Variants in CEP128 observed in about 807,000 individuals in gnomAD.
CEP128 encodes centrosomal protein 128.
In CEP128, 132 loss-of-function variants were observed where a neutral mutation model predicts 156.7. The observed-to-expected ratio is 0.84, with a 90% confidence interval of 0.73 to 0.97. The LOEUF (loss-of-function observed/expected upper bound fraction) is 0.97. CEP128 is among the 50% of genes least tolerant of loss of function. The probability of loss-of-function intolerance (pLI) is 0.00; values close to 1 mark genes in which losing one functional copy is unlikely to be tolerated. For missense variants in CEP128, 1,252 were observed against 1,281.9 expected, an observed-to-expected ratio of 0.98 and a Z score of 0.36; for synonymous variants, 469 against 448.9, an observed-to-expected ratio of 1.04 and a Z score of -0.57.
intron 7 of CEP128, 36 bp downstream of exon 7, chr14:80,899,902 T>C: frequency 1.4e-6 from 2 of 1,379,404 alleles, no homozygotes. Context: ...CTCCTCATAA[T>C]TTATCCCTCC....
chr14:80,834,290 G>A (rs1885961860), intron 12 of CEP128, among the ~76,000 whole-genome samples: 1 of 152,102 alleles, frequency 6.6e-6, no homozygotes. Flanking sequence ...AGAAGTCACA[G>A]GAAGAGTTTC....
At chr14:80,542,227 C>A (rs1252164279) in intron 21 of CEP128, among the ~76,000 whole-genome samples, 1 of 152,124 alleles carries the variant, frequency 6.6e-6, no homozygotes, top group African/African-American at 2.4e-5. Context: ...ACTGCAAATT[C>A]CTTAAAGGCA....
At chr14:80,950,803 C>G (rs1044847882) in intron 2 of CEP128, among the ~76,000 whole-genome samples, 2 of 149,468 alleles carry the variant, frequency 1.3e-5, no homozygotes, top group African/African-American at 4.9e-5. Context: ...CCAAGAATCT[C>G]AAAATACCCC....
At chr14:80,736,082 T>C (rs1898513591) in intron 19 of CEP128, among the ~76,000 whole-genome samples, 1 of 152,116 alleles carries the variant, frequency 6.6e-6, no homozygotes, top group Non-Finnish European at 1.5e-5. Flanking sequence ...AGGGAGGGAA[T>C]AGGCAGGCAT....
At chr14:80,502,571 G>A (rs145998800) in intron 24 of CEP128, among the ~76,000 whole-genome samples, 51 of 151,678 alleles carry the variant, frequency 3.4e-4, no homozygotes, top group African/African-American at 1.2e-3. Context: ...CCACCTTTCT[G>A]GTTTTCTTTA....
intron 19 of CEP128, among the ~76,000 whole-genome samples, chr14:80,647,613 A>G (rs1280648575): frequency 1.3e-5 from 2 of 151,680 alleles, no homozygotes; most frequent in African/African-American, 4.8e-5. Flanking sequence ...ATGGTCTCCA[A>G]CAGGGGAGAT....
chr14:80,916,317 G>T, intron 3 of CEP128, 84 bp downstream of exon 3: 1 of 1,095,840 alleles, frequency 9.1e-7, no homozygotes, highest in Non-Finnish European at 1.3e-6. Context: ...TGTTACAGCA[G>T]CAAGAAAACT....
At chr14:80,632,168 T>C (rs1207088091) in intron 19 of CEP128, among the ~76,000 whole-genome samples, 1 of 152,074 alleles carries the variant, frequency 6.6e-6, no homozygotes, top group African/African-American at 2.4e-5. Context: ...CTAAATACTA[T>C]GACAACTATC....
At chr14:80,717,248 G>A (rs569165347) in intron 19 of CEP128, among the ~76,000 whole-genome samples, 46 of 152,172 alleles carry the variant, frequency 3.0e-4, no homozygotes, top group African/African-American at 9.9e-4. Flanking sequence ...TCCCTTTCAC[G>A]GCACCTAGCA....
At chr14:80,818,473 G>C (rs745957974) in intron 13 of CEP128, among the ~76,000 whole-genome samples, 3 of 152,224 alleles carry the variant, frequency 2.0e-5, no homozygotes, top group African/African-American at 4.8e-5. Flanking sequence ...CAATTGCTAC[G>C]CAATCATATT....
intron 18 of CEP128, among the ~76,000 whole-genome samples, chr14:80,745,706 T>C (rs1899064623): frequency 6.6e-6 from 1 of 152,054 alleles, no homozygotes; most frequent in Admixed American, 6.6e-5. Context: ...AAGAAAAGGA[T>C]AACAGCTCTC....
rs377227742 is a variant in CEP128 at position 80,606,723 on chromosome 14, C to T, written c.2807-26300G>A. The stretch of plus-strand genomic sequence containing the variant: ...GGAAGGTCTACAAGTTTAGAACAGA[C>T]CTCAAAGGTTCTCTCAAACAATGAC... On this transcript the variant is annotated intron_variant, in intron 19 of 24. Transcript: ENST00000555265. Among the ~76,000 whole-genome samples, 11 of 152,176 alleles carry T rather than the reference C, an allele frequency of 7.2e-5. No homozygotes were observed. In the East Asian group the frequency reaches 1.5e-3, roughly 21 times the overall value.
intron 24 of CEP128, among the ~76,000 whole-genome samples, chr14:80,501,498 TTTTC>T (rs1160138037): frequency 2.0e-5 from 3 of 151,934 alleles, no homozygotes; most frequent in South Asian, 4.2e-4. Context: ...TCTTTCTTTC[TTTTC>T]TTTTTCTTTT....
chr14:80,754,834 T>C (rs1182294134), intron 18 of CEP128, among the ~76,000 whole-genome samples: 2 of 152,178 alleles, frequency 1.3e-5, no homozygotes, highest in Non-Finnish European at 2.9e-5. Flanking sequence ...TAAATTCCAT[T>C]AAGCTGAAGA....
intron 14 of CEP128, among the ~76,000 whole-genome samples, chr14:80,786,056 T>A (rs894214723): frequency 5.3e-5 from 8 of 152,086 alleles, no homozygotes; most frequent in African/African-American, 1.7e-4. Context: ...TTTTAAAATA[T>A]CAATGGTGAC....
At chr14:80,957,370 C>T (rs1886749967) in intron 2 of CEP128, among the ~76,000 whole-genome samples, 1 of 151,972 alleles carries the variant, frequency 6.6e-6, no homozygotes, top group African/African-American at 2.4e-5. Flanking sequence ...TATTTGCATG[C>T]CCACTCAAGC....
At chr14:80,684,628 C>A (rs1290919954) in intron 19 of CEP128, among the ~76,000 whole-genome samples, 1 of 151,532 alleles carries the variant, frequency 6.6e-6, no homozygotes, top group Non-Finnish European at 1.5e-5. Flanking sequence ...AATACCAAAA[C>A]CTAGCAAAGA....
chr14:80,733,941 C>A (rs1170664159), intron 19 of CEP128, among the ~76,000 whole-genome samples: 4 of 152,150 alleles, frequency 2.6e-5, no homozygotes, highest in Non-Finnish European at 5.9e-5. Flanking sequence ...ATTAAATTTA[C>A]TAAGTGCAGT....
intron 20 of CEP128, among the ~76,000 whole-genome samples, chr14:80,579,889 C>A (rs1180650280): frequency 6.6e-6 from 1 of 152,186 alleles, no homozygotes; most frequent in African/African-American, 2.4e-5. Flanking sequence ...CTTTCTAACA[C>A]CATTTTCCAG....
Sources: allele counts gnomAD v4.1 joint callset (sites outside exome capture counted in the v4.1 genomes callset), GRCh38; gene constraint gnomAD v4.1.1; transcripts MANE v1.5; gene names NCBI Gene and HGNC (gene_info 2026-07-23, HGNC 2026-07-21).